Variants in ADD3 observed in about 807,000 individuals in gnomAD.
ADD3 encodes gamma-adducin.
In ADD3, 25 loss-of-function variants were observed where a neutral mutation model predicts 80.2. That is an observed-to-expected ratio of 0.31 (90% CI 0.23 to 0.44). ADD3 has a LOEUF of 0.44. ADD3 is among the 20% of genes least tolerant of loss of function. The pLI is 1.00. For missense variants in ADD3, 829 were observed against 847.5 expected (o/e 0.98, Z 0.27); for synonymous variants, 284 against 289.6 (o/e 0.98, Z 0.20).
intron 1 of ADD3, among the ~76,000 whole-genome samples, chr10:110,058,154 C>T (rs1858439687): frequency 1.3e-5 from 2 of 149,486 alleles, no homozygotes; most frequent in South Asian, 2.1e-4. Context: ...TTTGCTTTTC[C>T]TTTGTACTTT....
intron 1 of ADD3, among the ~76,000 whole-genome samples, chr10:110,097,375 T>C (rs911320122): frequency 6.6e-6 from 1 of 152,198 alleles, no homozygotes; most frequent in Non-Finnish European, 1.5e-5. Context: ...GGTATTAATA[T>C]TTTCCTTTGA....
intron 3 of ADD3, among the ~76,000 whole-genome samples, chr10:110,113,290 A>G (rs1850284529): frequency 6.6e-6 from 1 of 152,158 alleles, no homozygotes; most frequent in South Asian, 2.1e-4. Context: ...CTTTTGAGAC[A>G]GGAGTCTTGC....
At chr10:110,022,892 C>T (rs1299497148) in intron 1 of ADD3, among the ~76,000 whole-genome samples, 2 of 152,026 alleles carry the variant, frequency 1.3e-5, no homozygotes, top group Non-Finnish European at 2.9e-5. Flanking sequence ...TATGCAAAGC[C>T]ACGTAAGTCT....
chr10:110,109,419 T>A (rs1481514791), intron 2 of ADD3, among the ~76,000 whole-genome samples: 1 of 152,210 alleles, frequency 6.6e-6, no homozygotes, highest in Non-Finnish European at 1.5e-5. Context: ...TCTTCAGCTT[T>A]ATTTTTCTTA....
At chr10:110,123,739 C>A in intron 9 of ADD3, 1 of 323,922 alleles carries the variant, frequency 3.1e-6, no homozygotes. Flanking sequence ...GATAGAAAAG[C>A]ACTTCTGGTC....
Position 110,125,841 on chromosome 10 carries a change from G to T in ADD3, c.1417G>T (p.Asp473Tyr). The T allele has an allele frequency of 6.3e-7, 1 of 1,598,692 alleles. No individual in the cohort carries two copies. Among genetic ancestry groups the T allele is most frequent in the East Asian group, 2.2e-5 (1 of 44,574 alleles). ...GATTCTTTAGTGGATGAAAGCAGAA[G>T]ACTCATCTAAAGTTAGTGGTGGAAC... ...RTKITWMKAEDSSKVSGGTPI... is the reference protein window; with the variant it reads ...RTKITWMKAEYSSKVSGGTPI... Residue 473 changes from aspartate (D) to tyrosine (Y), a missense_variant, in exon 11 of 15, where the codon GAC (aspartate) becomes TAC (tyrosine). Asp to Tyr is a radical substitution (Grantham distance 160). Transcript: ENST00000356080.
At chr10:110,055,862 T>A (rs1451922375) in intron 1 of ADD3, among the ~76,000 whole-genome samples, 2 of 152,248 alleles carry the variant, frequency 1.3e-5, no homozygotes, top group Non-Finnish European at 2.9e-5. Context: ...CTCCTTCTAA[T>A]CAAGACTTTC....
At chr10:110,091,586 C>CA (rs1847522725) in intron 1 of ADD3, among the ~76,000 whole-genome samples, 1 of 152,116 alleles carries the variant, frequency 6.6e-6, no homozygotes, top group Non-Finnish European at 1.5e-5. Context: ...CCATCATATG[C>CA]AGAAGATTGA....
intron 1 of ADD3, among the ~76,000 whole-genome samples, chr10:110,054,730 C>T (rs890983097): frequency 6.6e-6 from 1 of 151,942 alleles, no homozygotes; most frequent in African/African-American, 2.4e-5. Context: ...TCTCCTGCCT[C>T]AGCCTCCCAA....
At chr10:110,113,315 T>C (rs1403129900) in intron 3 of ADD3, among the ~76,000 whole-genome samples, 5 of 152,210 alleles carry the variant, frequency 3.3e-5, no homozygotes, top group African/African-American at 1.2e-4. Context: ...TCGCCGAGGC[T>C]GGAGTACAGT....
intron 1 of ADD3, among the ~76,000 whole-genome samples, chr10:110,020,493 A>G (rs563499137): frequency 6.6e-6 from 1 of 152,082 alleles, no homozygotes; most frequent in South Asian, 2.1e-4. Flanking sequence ...GGGGAAGAAC[A>G]TTGCAGGCAG....
intron 1 of ADD3, among the ~76,000 whole-genome samples, chr10:110,065,539 C>CCTTTTTT (rs1843806502): frequency 2.2e-4 from 7 of 31,186 alleles, no homozygotes; most frequent in East Asian, 1.3e-3. Context: ...TCTCTCTCCC[C>CCTTTTTT]TTTTTTTTTT....
At chr10:110,098,019 G>A (rs960313078) in intron 1 of ADD3, among the ~76,000 whole-genome samples, 19 of 152,094 alleles carry the variant, frequency 1.2e-4, no homozygotes, top group Middle Eastern at 3.4e-3. Flanking sequence ...TCATGATCTG[G>A]CCGCCTTGGC....
chr10:110,030,023 A>G (rs962485541), intron 1 of ADD3, among the ~76,000 whole-genome samples: 6 of 152,070 alleles, frequency 3.9e-5, no homozygotes, highest in Non-Finnish European at 8.8e-5. Flanking sequence ...AATGTACTCT[A>G]CTAAAAGAAA....
chr10:110,071,459 G>T (rs932475551), intron 1 of ADD3, among the ~76,000 whole-genome samples: 2 of 152,098 alleles, frequency 1.3e-5, no homozygotes, highest in African/African-American at 4.8e-5. Flanking sequence ...AAAACAAATT[G>T]CATGTGTCAT....
chr10:110,115,976 C>A (rs767937149), intron 3 of ADD3, among the ~76,000 whole-genome samples: 1 of 152,150 alleles, frequency 6.6e-6, no homozygotes, highest in Non-Finnish European at 1.5e-5. Flanking sequence ...ATATGTGTAA[C>A]CATTTTTCCC....
intron 1 of ADD3, among the ~76,000 whole-genome samples, chr10:110,059,700 C>T (rs572833447): frequency 5.8e-4 from 88 of 152,172 alleles, no homozygotes; most frequent in African/African-American, 2.0e-3. Context: ...ACCCAGGAGG[C>T]GGAGGTTGCA....
upstream of ADD3, among the ~76,000 whole-genome samples, chr10:110,002,086 A>C (rs1851497199): frequency 6.6e-6 from 1 of 152,078 alleles, no homozygotes; most frequent in African/African-American, 2.4e-5. Flanking sequence ...CGAGGCCAGG[A>C]GTTCAAGACC....
chr10:110,053,652 C>G (rs113258642), intron 1 of ADD3, among the ~76,000 whole-genome samples: 56 of 152,168 alleles, frequency 3.7e-4, no homozygotes, highest in Middle Eastern at 3.4e-3. Flanking sequence ...CATCAGTAGT[C>G]TTAATTTTCA....
Sources: allele counts gnomAD v4.1 joint callset (sites outside exome capture counted in the v4.1 genomes callset), GRCh38; gene constraint gnomAD v4.1.1; transcripts MANE v1.5; gene names NCBI Gene and HGNC (gene_info 2026-07-23, HGNC 2026-07-21).